MRTFA: variants seen among roughly 807,000 people sequenced by gnomAD.
MRTFA encodes the protein myocardin-related transcription factor A.
MRTFA carries 20 observed loss-of-function variants against 83.5 expected under a neutral mutation model. The observed-to-expected ratio is 0.24, with a 90% confidence interval of 0.17 to 0.35. The LOEUF (loss-of-function observed/expected upper bound fraction) is 0.35. Among genes scored for constraint, MRTFA ranks in the 10% least tolerant of loss-of-function variants. MRTFA has a pLI of 1.00. For synonymous variants in MRTFA, 659 were observed against 541.2 expected (o/e 1.22, Z -3.02); for missense variants, 1,200 against 1,224.7 (o/e 0.98, Z 0.30).
At chr22:40,570,435 TG>T (rs747597166) in intron 2 of MRTFA, among the ~76,000 whole-genome samples, 1 of 151,140 alleles carries the variant, frequency 6.6e-6, no homozygotes, top group East Asian at 1.9e-4. Context: ...AAAATTAGCC[TG>T]GCATGGTGGC....
chr22:40,587,002 TG>T (rs2056040635), intron 2 of MRTFA: 2 of 470,692 alleles, frequency 4.2e-6, no homozygotes. Flanking sequence ...CAAAGCCTGG[TG>T]TTGCAGAGCA....
chr22:40,419,379 T>C lies in MRTFA; in HGVS notation c.1359A>G (p.Ala453=). The stretch of plus-strand genomic sequence containing the variant: ...GCAACTTCAGCTCCTGCTTCAGCTC[T>C]GCCACCTGCAAGGCAGTCAAGAGTC... The change falls in exon 12 of 15, where the codon GCA becomes GCG. Residue 453 remains alanine (A), a synonymous_variant. Transcript: ENST00000355630. 2 of 1,613,366 alleles carry C rather than the reference T, an allele frequency of 1.2e-6. No individual in the cohort carries two copies. The highest frequency in any genetic ancestry group is 1.1e-5 in the South Asian group (1 of 91,078).
At chr22:40,634,731 G>A (rs1337762159) in intron 1 of MRTFA, among the ~76,000 whole-genome samples, 2 of 152,216 alleles carry the variant, frequency 1.3e-5, no homozygotes, top group Non-Finnish European at 2.9e-5. Flanking sequence ...CCCTTAAGTA[G>A]TACTTGTAAT....
At chr22:40,479,965 A>T (rs2054059851) in intron 3 of MRTFA, among the ~76,000 whole-genome samples, 1 of 152,158 alleles carries the variant, frequency 6.6e-6, no homozygotes. Flanking sequence ...TCAAAGAATA[A>T]GCTTATGAAA....
chr22:40,618,745 C>T (rs2056484673), intron 1 of MRTFA, among the ~76,000 whole-genome samples: 1 of 152,090 alleles, frequency 6.6e-6, no homozygotes, highest in South Asian at 2.1e-4. Flanking sequence ...AGGCAGATCA[C>T]TTGAGGTCAG....
At chr22:40,547,591 G>A (rs563778407) in intron 3 of MRTFA, among the ~76,000 whole-genome samples, 6 of 152,236 alleles carry the variant, frequency 3.9e-5, no homozygotes, top group South Asian at 4.2e-4. Context: ...GGTGGCTCAC[G>A]TCTGTAATCT....
intron 3 of MRTFA, among the ~76,000 whole-genome samples, chr22:40,537,152 G>A (rs1804417263): frequency 2.3e-5 from 1 of 43,716 alleles, no homozygotes; most frequent in South Asian, 6.9e-4. Flanking sequence ...CCACGTCCGG[G>A]AGGTGAGGGG....
At chr22:40,625,689 G>A (rs113677109) in intron 1 of MRTFA, among the ~76,000 whole-genome samples, 41 of 152,226 alleles carry the variant, frequency 2.7e-4, no homozygotes, top group African/African-American at 9.4e-4. Context: ...TGAGGCACAA[G>A]AATCGCTTGA....
chr22:40,441,002 C>T (rs556102284), intron 4 of MRTFA, among the ~76,000 whole-genome samples: 6 of 152,282 alleles, frequency 3.9e-5, no homozygotes, highest in South Asian at 4.1e-4. Flanking sequence ...CTAGGAGGAG[C>T]CAGCATATTA....
At chr22:40,624,961 ACT>A (rs2056564747) in intron 1 of MRTFA, among the ~76,000 whole-genome samples, 1 of 152,152 alleles carries the variant, frequency 6.6e-6, no homozygotes, top group South Asian at 2.1e-4. Context: ...TAATCCACTG[ACT>A]CAGGGTATAT....
At chr22:40,636,016 G>A (rs890707570) in intron 1 of MRTFA, among the ~76,000 whole-genome samples, 5 of 152,204 alleles carry the variant, frequency 3.3e-5, no homozygotes, top group Non-Finnish European at 5.9e-5. Context: ...ACACCTGGCA[G>A]CATTCAGGTT....
At chr22:40,427,536 C>T (rs1351550241) in intron 7 of MRTFA, among the ~76,000 whole-genome samples, 2 of 152,196 alleles carry the variant, frequency 1.3e-5, no homozygotes, top group Non-Finnish European at 1.5e-5. Flanking sequence ...CAGGCAGGTG[C>T]TGTCTTGTCA....
chr22:40,617,453 G>A (rs934695236), intron 1 of MRTFA, among the ~76,000 whole-genome samples: 26 of 152,212 alleles, frequency 1.7e-4, no homozygotes, highest in African/African-American at 6.0e-4. Flanking sequence ...CTAGCCAGGC[G>A]CGGTGGCTCA....
intron 3 of MRTFA, among the ~76,000 whole-genome samples, chr22:40,518,668 A>G (rs537098709): frequency 4.2e-4 from 64 of 151,494 alleles, no homozygotes; most frequent in African/African-American, 1.5e-3. Context: ...GGTGGCGGGC[A>G]CCTGTAGTCC....
At chr22:40,565,342 T>C (rs1257583116) in intron 2 of MRTFA, among the ~76,000 whole-genome samples, 6 of 151,356 alleles carry the variant, frequency 4.0e-5, no homozygotes, top group Non-Finnish European at 8.8e-5. Context: ...AGATCAGGAG[T>C]TCAAGACCAG....
chr22:40,504,141 T>C (rs187745245), intron 3 of MRTFA, among the ~76,000 whole-genome samples: 3 of 152,276 alleles, frequency 2.0e-5, no homozygotes, highest in Admixed American at 2.0e-4. Context: ...GAAAATTAGA[T>C]ATAAAAATTC....
intron 4 of MRTFA, among the ~76,000 whole-genome samples, chr22:40,437,777 A>AG (rs1394804985): frequency 6.6e-6 from 1 of 151,696 alleles, no homozygotes; most frequent in East Asian, 1.9e-4. Flanking sequence ...AAAAAAAAAA[A>AG]AGGCGGAATA....
At chr22:40,573,557 A>C (rs1434111737) in intron 2 of MRTFA, among the ~76,000 whole-genome samples, 1 of 152,064 alleles carries the variant, frequency 6.6e-6, no homozygotes, top group East Asian at 1.9e-4. Flanking sequence ...GCCTGGCTGA[A>C]TTATGTACTT....
At chr22:40,480,268 ATGTT>A (rs1292861679) in intron 3 of MRTFA, among the ~76,000 whole-genome samples, 2 of 151,130 alleles carry the variant, frequency 1.3e-5, no homozygotes, top group African/African-American at 4.9e-5. Context: ...AGTTCTCTGT[ATGTT>A]TATTTTTTTT....
Sources: allele counts gnomAD v4.1 joint callset (sites outside exome capture counted in the v4.1 genomes callset), GRCh38; gene constraint gnomAD v4.1.1; transcripts MANE v1.5; gene names NCBI Gene and HGNC (gene_info 2026-07-23, HGNC 2026-07-21).